FGGY: variants seen among roughly 807,000 people sequenced by gnomAD.
The protein encoded by FGGY is FGGY carbohydrate kinase domain containing, also known as FGGY carbohydrate kinase domain-containing protein.
In FGGY, 72 loss-of-function variants were observed where a neutral mutation model predicts 71.3. The ratio of observed to expected loss-of-function variants is 1.01; its 90% CI spans 0.84 to 1.23. The LOEUF is 1.23. Among genes scored for constraint, FGGY ranks in the 50% most tolerant of loss-of-function variants. The pLI, the probability that FGGY is intolerant of heterozygous loss-of-function variation, is 0.00. For missense variants in FGGY, 668 were observed against 682.3 expected (o/e 0.98, Z 0.23); for synonymous variants, 251 against 250.3 (o/e 1.00, Z -0.02).
At chr1:59,406,881 A>G (rs2062839683) in intron 5 of FGGY, among the ~76,000 whole-genome samples, 1 of 152,218 alleles carries the variant, frequency 6.6e-6, no homozygotes, top group South Asian at 2.1e-4. Flanking sequence ...ATATCACATG[A>G]TACACGATTC....
At chr1:59,601,361 A>G (rs575889426) in intron 8 of FGGY, among the ~76,000 whole-genome samples, 1 of 152,284 alleles carries the variant, frequency 6.6e-6, no homozygotes, top group South Asian at 2.1e-4. Flanking sequence ...GGGCTTTGTC[A>G]CCACAGGGAA....
At chr1:59,517,262 T>C (rs1167812813) in intron 7 of FGGY, among the ~76,000 whole-genome samples, 2 of 127,388 alleles carry the variant, frequency 1.6e-5, no homozygotes, top group African/African-American at 5.9e-5. Context: ...CTCTTTTTTT[T>C]TTTTTTTTTT....
intron 14 of FGGY, among the ~76,000 whole-genome samples, chr1:59,725,452 G>A (rs2097934865): frequency 6.6e-6 from 1 of 152,090 alleles, no homozygotes; most frequent in Non-Finnish European, 1.5e-5. Context: ...GTTGACTAAT[G>A]TAGATCTTTT....
intron 5 of FGGY, among the ~76,000 whole-genome samples, chr1:59,441,977 A>G (rs2070021700): frequency 1.3e-5 from 2 of 152,166 alleles, no homozygotes; most frequent in Admixed American, 1.3e-4. Flanking sequence ...TCACAATTCA[A>G]GCTGCTACTC....
chr1:59,607,038 A>G (rs2096630585), intron 8 of FGGY, among the ~76,000 whole-genome samples: 1 of 152,220 alleles, frequency 6.6e-6, no homozygotes, highest in Non-Finnish European at 1.5e-5. Flanking sequence ...ATCAGTTATT[A>G]TAGTCCCCCA....
At chr1:59,438,128 C>T (rs766980591) in intron 5 of FGGY, among the ~76,000 whole-genome samples, 2 of 152,160 alleles carry the variant, frequency 1.3e-5, no homozygotes, top group Non-Finnish European at 2.9e-5. Context: ...TGACTACAGT[C>T]TATTCCTCAC....
intron 2 of FGGY, among the ~76,000 whole-genome samples, chr1:59,328,516 T>A (rs957590662): frequency 2.0e-5 from 3 of 152,342 alleles, no homozygotes; most frequent in African/African-American, 7.2e-5. Flanking sequence ...ACTCAAATTT[T>A]CTCCATATCA....
intron 4 of FGGY, among the ~76,000 whole-genome samples, chr1:59,369,667 T>C (rs1291184216): frequency 6.6e-6 from 1 of 151,918 alleles, no homozygotes; most frequent in Non-Finnish European, 1.5e-5. Flanking sequence ...CACCCCCCAG[T>C]AGGGGCAGAC....
intron 4 of FGGY, among the ~76,000 whole-genome samples, chr1:59,361,720 T>C (rs1160129272): frequency 6.6e-5 from 10 of 152,168 alleles, no homozygotes; most frequent in Admixed American, 5.9e-4. Flanking sequence ...GTGACATTTT[T>C]CCCGACTCTT....
intron 4 of FGGY, among the ~76,000 whole-genome samples, chr1:59,357,398 T>G (rs1432158233): frequency 6.6e-6 from 1 of 152,228 alleles, no homozygotes; most frequent in Non-Finnish European, 1.5e-5. Context: ...AAATATTTCC[T>G]TTATATGATC....
chr1:59,727,360 CAT>C (rs2097960451), intron 14 of FGGY, among the ~76,000 whole-genome samples: 1 of 152,034 alleles, frequency 6.6e-6, no homozygotes, highest in South Asian at 2.1e-4. Context: ...CATGCGAGTG[CAT>C]GTGTCTTTTT....
At position 59,375,837 on chromosome 1, in the gene FGGY, G is replaced by A. The variant is rs146950977; in HGVS notation, c.466-2912G>A. 3.9e-3 allele frequency among the ~76,000 whole-genome samples: 566 copies of A among 144,078 alleles called. 4 individuals carry two copies. Among genetic ancestry groups the A allele is most frequent in the African/African-American group, 0.013 (522 of 39,134 alleles). 94.5% of individuals were successfully genotyped at this position (144,078 alleles called of 152,430 possible). On this transcript the variant is annotated intron_variant, in intron 4 of 15. Coordinates refer to ENST00000303721, the MANE Select transcript of FGGY (RefSeq NM_018291.5). ...GTGTGGCTACAGGCTAAAAGCTGTC[G>A]TTATATAATGTCTTTAATGACCACA...
Position 59,321,644 on chromosome 1 carries a change from T to C in FGGY, c.95T>C (p.Val32Ala), listed in dbSNP as rs182624572. ...VRAALVDQSG[V>A]LLAFADQPIK... ...GCAGCTCTGGTGGACCAGAGTGGGGTCCTGTTGGCTTTTGCAGACCAGCCA... is the reference window on the plus strand; with the variant it reads ...GCAGCTCTGGTGGACCAGAGTGGGGCCCTGTTGGCTTTTGCAGACCAGCCA... Residue 32 changes from valine to alanine, a missense_variant, in exon 2 of 16, where the codon GTC becomes GCC. Around this residue, in one of 2 missense-constraint regions of FGGY, gnomAD observed 661 missense variants for 661.6 expected, o/e 1.00. Transcript: ENST00000303721. 153 of 1,613,494 alleles carry C rather than the reference T, an allele frequency of 9.5e-5. 1 individual carries two copies. The African/African-American group carries it at 1.8e-3, about 19-fold the overall frequency.
chr1:59,669,642 G>A (rs1006703432), intron 13 of FGGY, among the ~76,000 whole-genome samples: 4 of 134,710 alleles, frequency 3.0e-5, no homozygotes, highest in Admixed American at 8.7e-5. Context: ...TGATCCACCC[G>A]CCTTGGCCTC....
At chr1:59,554,926 T>C (rs2095661485) in intron 8 of FGGY, among the ~76,000 whole-genome samples, 1 of 152,034 alleles carries the variant, frequency 6.6e-6, no homozygotes, top group Admixed American at 6.6e-5. Flanking sequence ...CCCAGATAAG[T>C]ATAATAGAGG....
intron 11 of FGGY, among the ~76,000 whole-genome samples, chr1:59,657,945 G>A (rs12084413): frequency 0.034 from 5,114 of 152,278 alleles, 298 homozygotes; most frequent in African/African-American, 0.12. Flanking sequence ...AGCTGAGGCA[G>A]TAAACTTTGT....
At chr1:59,634,998 T>A (rs1363096203) in intron 10 of FGGY, among the ~76,000 whole-genome samples, 1 of 152,090 alleles carries the variant, frequency 6.6e-6, no homozygotes, top group South Asian at 2.1e-4. Flanking sequence ...CAACCTGGGG[T>A]TCATGAGAGA....
intron 4 of FGGY, among the ~76,000 whole-genome samples, chr1:59,351,710 A>C (rs2053341257): frequency 6.6e-6 from 1 of 152,184 alleles, no homozygotes; most frequent in Non-Finnish European, 1.5e-5. Context: ...AGGCACTGTG[A>C]GATGGCAGGA....
chr1:59,674,169 C>G (rs757187214), intron 14 of FGGY, 36 bp downstream of exon 14: 1 of 1,544,514 alleles, frequency 6.5e-7, no homozygotes, highest in Non-Finnish European at 8.9e-7. Context: ...GTGGCTCCTC[C>G]CCTGTCTGAG....
Sources: gnomAD v4.1 joint callset for allele counts (sites outside exome capture counted in the v4.1 genomes callset) on GRCh38, gnomAD v4.1.1 for gene constraint, gnomAD v4.1.1 regional missense constraint, MANE v1.5 for transcripts, NCBI Gene and HGNC (gene_info 2026-07-23, HGNC 2026-07-21) for gene names.